AGO1: variants seen among roughly 807,000 people sequenced by gnomAD.
AGO1 encodes the protein protein argonaute-1.
Under a neutral mutation model 109.2 loss-of-function variants are expected in AGO1, and 11 were observed. That is an observed-to-expected ratio of 0.10 (90% confidence interval 0.06 to 0.17). The LOEUF is 0.17. Among genes scored for constraint, AGO1 ranks in the 10% least tolerant of loss-of-function variants. The probability of loss-of-function intolerance (pLI) is 1.00; values close to 1 mark genes in which losing one functional copy is unlikely to be tolerated. For missense variants in AGO1, 574 were observed against 1,140.3 expected (o/e 0.50, Z 7.15); for synonymous variants, 422 against 418.6 (o/e 1.01, Z -0.10).
chr1:35,917,478 G>A (rs984924197), intron 15 of AGO1, 115 bp from the exon 16 acceptor site: 1 of 1,233,030 alleles, frequency 8.1e-7, no homozygotes, highest in African/African-American at 1.5e-5. Context: ...AGCATATAAA[G>A]GGAGACTGAG....
In AGO1 at chr1:35,904,578, T is replaced by G. The variant is rs148853524; in HGVS notation, c.1397+2241T>G. Among the ~76,000 whole-genome samples, 322 of 152,266 alleles carry G rather than the reference T, an allele frequency of 2.1e-3. 1 individual carries two copies. Among genetic ancestry groups the G allele is most frequent in the Non-Finnish European group, 3.8e-3 (259 of 68,020 alleles). On this transcript the variant is annotated intron_variant, in intron 11 of 18. Coordinates refer to ENST00000373204, the MANE Select transcript of AGO1 (RefSeq NM_012199.5). ...ATTTCTTTTGGGATGATCTATTGTT[T>G]TGGCCATTTGGGGTATGGGCACCAG...
rs1645958078 is a variant in AGO1, at chr1:35,927,781, G to C, written c.*8174G>C. The C allele has an allele frequency of 6.6e-6, 1 of 152,248 alleles. No individual in the cohort carries two copies. Among genetic ancestry groups the C allele is most frequent in the African/African-American group, 2.4e-5 (1 of 41,464 alleles). 9.4% of individuals were successfully genotyped at this position (152,248 alleles called of 1,614,324 possible). ...TTCAACTTTTACAGATGAGAAACAT[G>C]AATCAGAGTGACTTTCCCAGGCTCA... On this transcript the variant is annotated 3_prime_UTR_variant, in exon 19 of 19. Transcript: ENST00000373204.
chr1:35,909,722 C>G (rs1379980033), intron 12 of AGO1, among the ~76,000 whole-genome samples: 1 of 152,188 alleles, frequency 6.6e-6, no homozygotes, highest in Non-Finnish European at 1.5e-5. Flanking sequence ...TGATTCTGCT[C>G]TGAAATCTTT....
intron 1 of AGO1, among the ~76,000 whole-genome samples, chr1:35,877,660 A>G (rs752873148): frequency 2.0e-5 from 3 of 152,192 alleles, no homozygotes; most frequent in Non-Finnish European, 2.9e-5. Context: ...TAAAATACAC[A>G]CTGAATTTCA....
chr1:35,880,939 C>T (rs372370125), upstream of AGO1, among the ~76,000 whole-genome samples: 8 of 152,268 alleles, frequency 5.3e-5, no homozygotes, highest in East Asian at 1.9e-4. Context: ...AGATTACAGG[C>T]GTGAACCACT....
chr1:35,914,801 C>T (rs1645705752), intron 14 of AGO1, among the ~76,000 whole-genome samples: 1 of 152,162 alleles, frequency 6.6e-6, no homozygotes, highest in Non-Finnish European at 1.5e-5. Flanking sequence ...TGGTCTTAAC[C>T]TCAGTAAGTG....
At position 35,902,411 on chromosome 1, in the gene AGO1, G is replaced by C; in HGVS notation, c.1397+74G>C. ...CTGCCTGCCTTCCTGTAGTCCACAG[G>C]GGCTGATATTGATCAGTAATGTGTT... On this transcript the variant is annotated intron_variant, in intron 11 of 18. Transcript: ENST00000373204. The C allele has an allele frequency of 3.2e-6, 5 of 1,559,968 alleles. No individual in the cohort carries two copies. In the East Asian group the frequency reaches 1.1e-4, roughly 35 times the overall value.
At chr1:35,916,147 C>CT (rs972310221) in intron 15 of AGO1, among the ~76,000 whole-genome samples, 44 of 148,326 alleles carry the variant, frequency 3.0e-4, no homozygotes, top group African/African-American at 8.9e-4. Context: ...ACTTCACTTT[C>CT]TTTTTTTTTT....
intron 14 of AGO1, among the ~76,000 whole-genome samples, 155 bp downstream of exon 14, chr1:35,914,429 A>G (rs1350254605): frequency 1.3e-5 from 2 of 152,160 alleles, no homozygotes; most frequent in Non-Finnish European, 2.9e-5. Context: ...TTGATATCTC[A>G]TAAAGGTAGC....
chr1:35,873,831 C>T (rs1018867848), intron 1 of AGO1: 2 of 152,214 alleles, frequency 1.3e-5, no homozygotes, highest in Non-Finnish European at 2.9e-5. Context: ...TACTTCTTGA[C>T]CACTTATATC....
At chr1:35,902,405 C>G in intron 11 of AGO1, 68 bp downstream of exon 11, 1 of 1,574,894 alleles carries the variant, frequency 6.3e-7, no homozygotes, top group Non-Finnish European at 8.6e-7. Context: ...TTCCTGTAGT[C>G]CACAGGGGCT....
chr1:35,881,711 A>AAT (rs1645039002), upstream of AGO1, among the ~76,000 whole-genome samples: 2 of 152,236 alleles, frequency 1.3e-5, no homozygotes, highest in Admixed American at 1.3e-4. Flanking sequence ...AAGTGTCAGA[A>AAT]ATTAATCTCC....
At chr1:35,898,337 A>C (rs1645356818) in intron 8 of AGO1, among the ~76,000 whole-genome samples, 2 of 151,912 alleles carry the variant, frequency 1.3e-5, no homozygotes, top group Non-Finnish European at 2.9e-5. Context: ...GCTCACTGCA[A>C]GCTCCGCCTC....
At chr1:35,916,401 G>C (rs540286188) in intron 15 of AGO1, among the ~76,000 whole-genome samples, 1 of 151,826 alleles carries the variant, frequency 6.6e-6, no homozygotes, top group African/African-American at 2.4e-5. Context: ...ACAGAGTCTC[G>C]CTCTTGCCCA....
intron 1 of AGO1, among the ~76,000 whole-genome samples, chr1:35,886,124 C>T (rs1645115928): frequency 6.6e-6 from 1 of 152,070 alleles, no homozygotes; most frequent in Non-Finnish European, 1.5e-5. Flanking sequence ...GGGGGAGTGT[C>T]CTTTTCAGGG....
At position 35,906,849 on chromosome 1, in the gene AGO1, G is replaced by A. The variant is rs971247843; in HGVS notation, c.1398-86G>A. The A allele has an allele frequency of 4.9e-6, 5 of 1,020,656 alleles. No individual in the cohort carries two copies. In the Admixed American group the frequency reaches 1.1e-4, roughly 23 times the overall value. 63.2% of individuals were successfully genotyped at this position (1,020,656 alleles called of 1,614,324 possible). On this transcript the variant is annotated intron_variant, in intron 11 of 18. Transcript: ENST00000373204. ...AACCAATCTCTCAGTGCCTCTTATA[G>A]TGCTAAGCACCTAAGATGGATGGAT... is the stretch of plus-strand genomic sequence containing the variant.
At position 35,907,055 on chromosome 1, in the gene AGO1, C is replaced by G; in HGVS notation, c.1518C>G (p.Leu506=). ...GCGTGGAGCCTATGTTCCGGCATCT[C>G]AAGAACACCTACTCAGGGCTGCAGC... ...ADSVEPMFRH[L]KNTYSGLQLI... Residue 506 remains leucine, a synonymous_variant, in exon 12 of 19, where the codon CTC becomes CTG. Coordinates refer to ENST00000373204, the MANE Select transcript of AGO1 (RefSeq NM_012199.5). 1.2e-6 allele frequency: 2 copies of G among 1,614,092 alleles called. No individual in the cohort carries two copies. The highest frequency in any genetic ancestry group is 1.7e-6 in the Non-Finnish European group (2 of 1,180,008).
chr1:35,912,072 C>T (rs1645642290), intron 12 of AGO1, among the ~76,000 whole-genome samples: 1 of 152,196 alleles, frequency 6.6e-6, no homozygotes, highest in East Asian at 1.9e-4. Context: ...AAGATCATGC[C>T]TTCGGCCGGG....
At chr1:35,906,409 T>C (rs1439789342) in intron 11 of AGO1, among the ~76,000 whole-genome samples, 1 of 152,242 alleles carries the variant, frequency 6.6e-6, no homozygotes, top group Non-Finnish European at 1.5e-5. Context: ...CTGGGCTTCC[T>C]CGTCTCCTTG....
Sources: allele counts gnomAD v4.1 joint callset (sites outside exome capture counted in the v4.1 genomes callset), GRCh38; gene constraint gnomAD v4.1.1; transcripts MANE v1.5; gene names NCBI Gene and HGNC (gene_info 2026-07-23, HGNC 2026-07-21).